Variants in SLCO1B3 observed in about 807,000 individuals in gnomAD.
SLCO1B3 encodes solute carrier organic anion transporter family member 1B3, also known as liver-specific organic anion transporter 2.
Under a neutral mutation model 71.8 loss-of-function variants are expected in SLCO1B3, and 72 were observed. The observed-to-expected ratio is 1.00, with a 90% CI of 0.83 to 1.22. The LOEUF (loss-of-function observed/expected upper bound fraction) is 1.22, where lower values mean the gene tolerates loss of function less well. Among genes scored for constraint, SLCO1B3 ranks in the 50% most tolerant of loss-of-function variants. SLCO1B3 has a pLI of 0.00. For synonymous variants in SLCO1B3, 298 were observed against 278.4 expected, an observed-to-expected ratio of 1.07 and a Z score of -0.70; for missense variants, 911 against 819.7, an observed-to-expected ratio of 1.11 and a Z score of -1.36.
chr12:20,876,622 C>A (rs1434864730), intron 9 of SLCO1B3, among the ~76,000 whole-genome samples: 2 of 151,992 alleles, frequency 1.3e-5, no homozygotes, highest in African/African-American at 4.8e-5. Context: ...TTGAAATTGT[C>A]CATGGTAGGA....
At chr12:20,903,811 C>A (rs1048518610) in intron 15 of SLCO1B3, among the ~76,000 whole-genome samples, 1 of 152,138 alleles carries the variant, frequency 6.6e-6, no homozygotes, top group Non-Finnish European at 1.5e-5. Flanking sequence ...TCTCATATTG[C>A]AAAATACAGT....
intron 3 of SLCO1B3, among the ~76,000 whole-genome samples, chr12:20,853,200 C>A (rs1865058046): frequency 6.6e-6 from 1 of 151,856 alleles, no homozygotes; most frequent in Admixed American, 6.6e-5. Flanking sequence ...CAATATTCAC[C>A]AGGAATATTT....
chr12:20,909,398 C>T (rs536549566), intron 15 of SLCO1B3, among the ~76,000 whole-genome samples: 1 of 149,448 alleles, frequency 6.7e-6, no homozygotes. Flanking sequence ...TGGTCTTGAT[C>T]TCCTGACCTT....
At chr12:20,830,734 A>G (rs1864522088) in intron 3 of SLCO1B3, among the ~76,000 whole-genome samples, 2 of 152,168 alleles carry the variant, frequency 1.3e-5, no homozygotes, top group South Asian at 4.1e-4. Flanking sequence ...TGTCCAGGGA[A>G]CATAGAGTTT....
At chr12:20,854,450 G>A (rs955555900) in intron 3 of SLCO1B3, among the ~76,000 whole-genome samples, 1 of 152,022 alleles carries the variant, frequency 6.6e-6, no homozygotes, top group Non-Finnish European at 1.5e-5. Flanking sequence ...CCGCTATAAT[G>A]TCCTTTGTCT....
chr12:20,812,154 G>A (rs988056431), intron 1 of SLCO1B3, among the ~76,000 whole-genome samples: 1 of 151,972 alleles, frequency 6.6e-6, no homozygotes, highest in Non-Finnish European at 1.5e-5. Flanking sequence ...TGATCTGCCC[G>A]CCTCGGCCTC....
At chr12:20,831,528 C>T (rs887218397) in intron 3 of SLCO1B3, among the ~76,000 whole-genome samples, 2 of 152,052 alleles carry the variant, frequency 1.3e-5, no homozygotes, top group Non-Finnish European at 2.9e-5. Flanking sequence ...CGCATTACAA[C>T]AATTTTGTAA....
At chr12:20,863,847 A>G (rs894524460) in intron 8 of SLCO1B3, among the ~76,000 whole-genome samples, 1 of 152,244 alleles carries the variant, frequency 6.6e-6, no homozygotes, top group Non-Finnish European at 1.5e-5. Flanking sequence ...CTAATAAAAC[A>G]CAATCAGCTT....
At chr12:20,903,240 G>A (rs1591790833) in intron 15 of SLCO1B3, among the ~76,000 whole-genome samples, 1 of 152,216 alleles carries the variant, frequency 6.6e-6, no homozygotes, top group African/African-American at 2.4e-5. Context: ...AAGCCATCAT[G>A]TTCCCAGGTA....
In SLCO1B3 at chr12:20,883,477, A is replaced by G. The variant is rs2053098; in HGVS notation, c.1557A>G (p.Ala519=). 1,322,125 of 1,594,240 alleles carry G rather than the reference A, an allele frequency of 0.83. 556,334 individuals carry two copies. The highest frequency in any genetic ancestry group is 0.91 in the South Asian group (80,364 of 88,470). ...VTGLQNRNYS[A]HLGECPRDNT... ...GTCTCCAGAACAGAAATTACTCAGC[A>G]CACTTGGGTGAATGCCCAAGAGATA... is the stretch of plus-strand genomic sequence containing the variant. Residue 519 remains alanine (A), a synonymous_variant, in exon 13 of 16, where the codon GCA becomes GCG. Transcript: ENST00000381545.
intron 3 of SLCO1B3, among the ~76,000 whole-genome samples, chr12:20,853,901 T>C (rs934864594): frequency 2.8e-5 from 4 of 140,780 alleles, no homozygotes; most frequent in Non-Finnish European, 4.6e-5. Flanking sequence ...AGTTTTGGTT[T>C]CTTGTGTTTT....
intron 2 of SLCO1B3, among the ~76,000 whole-genome samples, chr12:20,815,186 C>G (rs1864171646): frequency 6.6e-6 from 1 of 152,012 alleles, no homozygotes; most frequent in East Asian, 1.9e-4. Flanking sequence ...ATAGGCATCT[C>G]CTCTATGAAA....
chr12:20,887,169 G>T (rs1213923111), intron 13 of SLCO1B3, among the ~76,000 whole-genome samples: 1 of 152,018 alleles, frequency 6.6e-6, no homozygotes, highest in Non-Finnish European at 1.5e-5. Flanking sequence ...CACTAGTGCT[G>T]TAGATAAGCA....
intron 15 of SLCO1B3, among the ~76,000 whole-genome samples, chr12:20,914,832 T>C (rs1223061831): frequency 2.0e-5 from 3 of 152,158 alleles, no homozygotes; most frequent in Non-Finnish European, 2.9e-5. Flanking sequence ...AATATTTCAC[T>C]TTGCTCTCTT....
chr12:20,841,878 G>T lies in SLCO1B3; in HGVS notation c.85-13150G>T, dbSNP rs1009207439. 6.8e-5 allele frequency among the ~76,000 whole-genome samples: 8 copies of T among 117,334 alleles called. No individual in the cohort carries two copies. The East Asian group carries it at 1.8e-3, about 26-fold the overall frequency. The allele number at this position is 117,334 out of a possible 152,430, so 77.0% of individuals were successfully genotyped here. ...AAAATGCATATTCTTTGAATTGTTG[G>T]ATGTAGTTTTTTTTTTTTTTTTTTG... is the stretch of plus-strand genomic sequence containing the variant. On this transcript the variant is annotated intron_variant, in intron 3 of 15. Transcript: ENST00000381545.
chr12:20,814,759 C>G lies in SLCO1B3; in HGVS notation c.-65-915C>G, dbSNP rs535506624. 4.6e-5 allele frequency among the ~76,000 whole-genome samples: 7 copies of G among 151,970 alleles called. No individual in the cohort carries two copies. In the South Asian group the frequency reaches 1.5e-3, roughly 32 times the overall value. ...CAAAACAATTAGCCGGGCGTTGTGG[C>G]ACGCACCTGCGCCTGTGGTCCCAGC... On this transcript the variant is annotated intron_variant, in intron 2 of 15. Transcript: ENST00000381545.
At chr12:20,851,875 G>C (rs534299388) in intron 3 of SLCO1B3, among the ~76,000 whole-genome samples, 1 of 149,850 alleles carries the variant, frequency 6.7e-6, no homozygotes, top group Non-Finnish European at 1.5e-5. Context: ...TTTGTATGTG[G>C]ATACCCAGTT....
intron 15 of SLCO1B3, chr12:20,902,056 CTA>C: frequency 3.5e-6 from 1 of 283,086 alleles, no homozygotes; most frequent in Non-Finnish European, 6.8e-6. Flanking sequence ...AGTATTAGAA[CTA>C]CTCATAGTAG....
chr12:20,880,914 A>G lies in SLCO1B3; in HGVS notation c.1391A>G (p.Asn464Ser). Residue 464 changes from asparagine to serine, a missense_variant, in exon 12 of 16, where the codon AAT (asparagine) becomes AGT (serine). Physicochemically the swap from Asn to Ser is conservative, Grantham distance 46 (BLOSUM62 1). Transcript: ENST00000381545. Reference protein sequence around the residue: ...VPLSYCNSECNCDESQWEPVC... With the variant: ...VPLSYCNSECSCDESQWEPVC... ...CTTTCTTATTGCAACTCAGAGTGCA[A>G]TTGTGATGAAAGTCAGTGGGAACCA... 1.2e-6 allele frequency: 2 copies of G among 1,611,626 alleles called. No individual in the cohort carries two copies. Among genetic ancestry groups the G allele is most frequent in the South Asian group, 1.1e-5 (1 of 91,008 alleles).
Sources: allele counts gnomAD v4.1 joint callset (sites outside exome capture counted in the v4.1 genomes callset), GRCh38; gene constraint gnomAD v4.1.1; transcripts MANE v1.5; gene names NCBI Gene and HGNC (gene_info 2026-07-23, HGNC 2026-07-21).